Variants in BUB1B observed in about 807,000 individuals in gnomAD.
BUB1B encodes mitotic checkpoint serine/threonine-protein kinase BUB1 beta.
A neutral mutation model predicts 137.7 loss-of-function variants in BUB1B; 86 were observed. The observed-to-expected ratio is 0.62, with a 90% CI of 0.52 to 0.75. The LOEUF is 0.75. Ranked by LOEUF, BUB1B falls within the 30% of genes least tolerant of loss-of-function variation. The pLI is 0.00. For missense variants in BUB1B, 1,130 were observed against 1,236.9 expected (o/e 0.91, Z 1.30); for synonymous variants, 420 against 417.9 (o/e 1.00, Z -0.06).
intron 2 of BUB1B, chr15:40,166,339 CTTT>C: frequency 4.1e-5 from 15 of 365,934 alleles, no homozygotes; most frequent in Admixed American, 1.2e-4. Context: ...CTCTCTCTCT[CTTT>C]TTTTTTTTTC....
intron 18 of BUB1B, among the ~76,000 whole-genome samples, chr15:40,211,844 C>T (rs1220256223): frequency 1.3e-5 from 2 of 150,598 alleles, no homozygotes; most frequent in Non-Finnish European, 3.0e-5. Flanking sequence ...TTCTTCGAGA[C>T]GGAGTTTTGC....
In BUB1B at chr15:40,209,771, A is replaced by G. The variant is rs2037686941; in HGVS notation, c.2280A>G (p.Glu760=). The G allele has an allele frequency of 6.2e-7, 1 of 1,614,158 alleles. No homozygotes were observed. The highest frequency in any genetic ancestry group is 1.7e-5 in the Admixed American group (1 of 60,016). The change falls in exon 17 of 23, where the codon GAA becomes GAG. Residue 760 remains glutamate (E), a synonymous_variant. Coordinates refer to ENST00000287598, the MANE Select transcript of BUB1B (RefSeq NM_001211.6). ...AGTTGGAAATTGAGAAGGAAATTGA[A>G]TTAGGTAAGTACCATTGAACTCATG... The part of the protein sequence containing the change: ...MPKLEIEKEI[E]LGNEDYCIKR...
At chr15:40,209,568 A>G (rs2037683206) in intron 16 of BUB1B, 67 bp from the exon 17 acceptor site, 7 of 1,585,868 alleles carry the variant, frequency 4.4e-6, no homozygotes, top group Non-Finnish European at 1.7e-6. Context: ...CTACTCTGTT[A>G]TAATATCCAT....
At chr15:40,204,944 CTTTTTTTTTTT>C (rs11333364) in intron 14 of BUB1B, among the ~76,000 whole-genome samples, 2 of 94,798 alleles carry the variant, frequency 2.1e-5, no homozygotes, top group Non-Finnish European at 4.2e-5. Flanking sequence ...CTGGCCAAAT[CTTTTTTTTTTT>C]TTTTTTTTTG....
rs28989181 is a variant in BUB1B, at chr15:40,212,643, C to T, written c.2530C>T (p.Leu844Phe). Residue 844 changes from leucine to phenylalanine, a missense_variant, in exon 19 of 23, where the codon CTT becomes TTT. Coordinates refer to ENST00000287598, the MANE Select transcript of BUB1B (RefSeq NM_001211.6). ...GCACCAATATATAAACTGCTTCACCCTTCAGGTCTGTAATACTAAAAACAT... is the reference window on the plus strand; with the variant it reads ...GCACCAATATATAAACTGCTTCACCTTTCAGGTCTGTAATACTAAAAACAT... ...VWHQYINCFT[L>F]QDLLQHSEYI... The T allele has an allele frequency of 8.1e-6, 13 of 1,612,856 alleles. No homozygotes were observed. The highest frequency in any genetic ancestry group is 2.7e-5 in the African/African-American group (2 of 74,882).
chr15:40,202,615 T>G lies in BUB1B; in HGVS notation c.1655T>G (p.Leu552Ter), dbSNP rs1566825597. The G allele has an allele frequency of 6.2e-7, 1 of 1,614,152 alleles. No individual in the cohort carries two copies. Among genetic ancestry groups the G allele is most frequent in the Non-Finnish European group, 8.5e-7 (1 of 1,180,012 alleles). The part of the protein sequence containing the change: ...KSPPADPPRV[L>*]AQRRPLAVLK... ...CCTCCTGCAGATCCCCCACGAGTTT[T>G]AGCTCAACGAAGACCCCTTGCAGTT... is the stretch of plus-strand genomic sequence containing the variant. The change falls in exon 14 of 23, where the codon TTA (leucine) becomes TGA (stop). Residue 552 changes from leucine to a stop codon, truncating the protein, a stop_gained. Transcript: ENST00000287598. LOFTEE classifies it high-confidence loss of function.
chr15:40,181,225 G>A (rs374578374), intron 5 of BUB1B, among the ~76,000 whole-genome samples: 94 of 152,086 alleles, frequency 6.2e-4, no homozygotes, highest in African/African-American at 2.1e-3. Context: ...CTGAGTAGCT[G>A]GGATTACAGG....
chr15:40,189,406 C>T lies in BUB1B; in HGVS notation c.1058+3764C>T, dbSNP rs113742048. ...AACTCCTGACCTCAAGTGGTCCGCCCACCTCGGCTTCCCAGACCGCTGGGA... is the reference window on the plus strand; with the variant it reads ...AACTCCTGACCTCAAGTGGTCCGCCTACCTCGGCTTCCCAGACCGCTGGGA... On this transcript the variant is annotated intron_variant, in intron 8 of 22. Coordinates refer to ENST00000287598, the MANE Select transcript of BUB1B (RefSeq NM_001211.6). 5.9e-3 allele frequency among the ~76,000 whole-genome samples: 905 copies of T among 152,328 alleles called. 7 individuals are homozygous for T. Among genetic ancestry groups the T allele is most frequent in the African/African-American group, 0.021 (865 of 41,570 alleles).
In BUB1B at chr15:40,217,417, C is replaced by CT. The variant is rs144513398; in HGVS notation, c.2679-69dup. On this transcript the variant is annotated intron_variant, in intron 20 of 22. Transcript: ENST00000287598. ...CATAGCTAAGATGTACCCAAGGTAC[C>CT]TTTTTTTTTTAAAGACCAGCTATGC... is the stretch of plus-strand genomic sequence containing the variant. 18,184 of 1,146,524 alleles carry CT rather than the reference C, an allele frequency of 0.016. 179 individuals are homozygous for CT. Among genetic ancestry groups the CT allele is most frequent in the East Asian group, 0.089 (3,184 of 35,878 alleles). The allele number at this position is 1,146,524 out of a possible 1,614,324, so 71.0% of individuals were successfully genotyped here.
intron 18 of BUB1B, among the ~76,000 whole-genome samples, chr15:40,210,887 C>G (rs2037702595): frequency 6.6e-6 from 1 of 152,138 alleles, no homozygotes; most frequent in African/African-American, 2.4e-5. Context: ...ATTCTTGTCC[C>G]CACTATTCTG....
intron 8 of BUB1B, among the ~76,000 whole-genome samples, chr15:40,189,320 T>G (rs1244103729): frequency 6.6e-6 from 1 of 152,110 alleles, no homozygotes; most frequent in Non-Finnish European, 1.5e-5. Flanking sequence ...CCACCACTCC[T>G]GGCTAACTTT....
intron 4 of BUB1B, among the ~76,000 whole-genome samples, chr15:40,173,793 C>T (rs1282527718): frequency 6.6e-6 from 1 of 152,122 alleles, no homozygotes; most frequent in Non-Finnish European, 1.5e-5. Context: ...ATGTGGCTAA[C>T]GAGGTACATA....
chr15:40,170,553 G>A lies in BUB1B; in HGVS notation c.256G>A (p.Glu86Lys), dbSNP rs2037149727. 2 of 1,613,658 alleles carry A rather than the reference G, an allele frequency of 1.2e-6. No individual in the cohort carries two copies. Among genetic ancestry groups the A allele is most frequent in the South Asian group, 1.1e-5 (1 of 91,058 alleles). The change falls in exon 4 of 23, where the codon GAG becomes AAG. Residue 86 changes from glutamate to lysine, a missense_variant. Coordinates refer to ENST00000287598, the MANE Select transcript of BUB1B (RefSeq NM_001211.6). ...CCCATTTAGGTATATCAGCTGGACA[G>A]AGCAGAACTATCCTCAAGGTGGGAA... The part of the protein sequence containing the change: ...DVWDRYISWT[E>K]QNYPQGGKES...
rs143731396 is a variant in BUB1B, at chr15:40,169,828, G to T, written c.180-234G>T. On this transcript the variant is annotated intron_variant, in intron 2 of 22. Transcript: ENST00000287598. Reference sequence around the variant, plus strand: ...AGGTTTCACCATGTTGCCCAGGCTGGTCTCAAACTTCTAACCTCAAGTGAT... The same window carrying T: ...AGGTTTCACCATGTTGCCCAGGCTGTTCTCAAACTTCTAACCTCAAGTGAT... 0.012 allele frequency among the ~76,000 whole-genome samples: 1,889 copies of T among 151,948 alleles called. 43 individuals are homozygous for T. Among genetic ancestry groups the T allele is most frequent in the African/African-American group, 0.043 (1,794 of 41,444 alleles).
intron 9 of BUB1B, among the ~76,000 whole-genome samples, chr15:40,197,195 T>C (rs1191728320): frequency 6.6e-6 from 1 of 152,246 alleles, no homozygotes; most frequent in African/African-American, 2.4e-5. Flanking sequence ...CCTTTGATAC[T>C]TTGTCTGAAA....
intron 3 of BUB1B, 26 bp downstream of exon 3, chr15:40,170,147 A>G (rs1416598958): frequency 6.3e-7 from 1 of 1,590,944 alleles, no homozygotes; most frequent in Non-Finnish European, 8.6e-7. Context: ...TCACAAGGAC[A>G]ATAGAAACAT....
intron 16 of BUB1B, among the ~76,000 whole-genome samples, chr15:40,209,371 C>T (rs1321448576): frequency 6.6e-6 from 1 of 152,216 alleles, no homozygotes; most frequent in Non-Finnish European, 1.5e-5. Context: ...CAGCAGTGAG[C>T]CGAGATGGCG....
intron 9 of BUB1B, 68 bp downstream of exon 9, chr15:40,196,842 G>A (rs959090268): frequency 4.2e-6 from 6 of 1,425,608 alleles, no homozygotes; most frequent in Non-Finnish European, 5.9e-6. Flanking sequence ...GACCTATTAA[G>A]TCTGAAGAAA....
chr15:40,200,464 A>T, intron 11 of BUB1B, 105 bp downstream of exon 11: 3 of 808,216 alleles, frequency 3.7e-6, no homozygotes, highest in Non-Finnish European at 6.2e-6. Context: ...CAGTATCGAG[A>T]CATGGTTTTT....
Sources: gnomAD v4.1 joint callset for allele counts (sites outside exome capture counted in the v4.1 genomes callset) on GRCh38, gnomAD v4.1.1 for gene constraint, MANE v1.5 for transcripts, NCBI Gene and HGNC (gene_info 2026-07-23, HGNC 2026-07-21) for gene names.